The following CPAP variants were observed in gnomAD, a reference collection of about 807,000 sequenced individuals.
CPAP encodes centrosomal P4.1-associated protein.
chr13:24,923,361 C>A, the CPAP span, among the ~76,000 whole-genome samples: 1 of 151,562 alleles, frequency 6.6e-6, no homozygotes, highest in Non-Finnish European at 1.5e-5. Flanking sequence ...AAAGGGCAGT[C>A]CGCTACACCA....
the CPAP span, among the ~76,000 whole-genome samples, chr13:24,898,434 A>G: frequency 1.6e-4 from 25 of 152,298 alleles, no homozygotes; most frequent in East Asian, 4.2e-3. Flanking sequence ...TTATTTTCAA[A>G]AAACAACTGA....
the CPAP span, chr13:24,913,104 A>G: frequency 1.6e-6 from 2 of 1,270,570 alleles, no homozygotes; most frequent in Non-Finnish European, 1.1e-6. Flanking sequence ...GTAGACAAAA[A>G]TAGCCAACAA....
the CPAP span, among the ~76,000 whole-genome samples, chr13:24,921,873 A>G: frequency 6.6e-6 from 1 of 152,080 alleles, no homozygotes; most frequent in East Asian, 1.9e-4. Flanking sequence ...CATGACCGCG[A>G]TTCTAAAAAT....
chr13:24,921,526 T>C, the CPAP span, among the ~76,000 whole-genome samples: 1 of 152,206 alleles, frequency 6.6e-6, no homozygotes. Flanking sequence ...CACTTAAGAT[T>C]AGCGCACTTT....
the CPAP span, among the ~76,000 whole-genome samples, chr13:24,893,662 C>T: frequency 2.0e-5 from 3 of 152,352 alleles, no homozygotes; most frequent in South Asian, 6.2e-4. Context: ...AGATCCACAA[C>T]CTCCATGAAT....
the CPAP span, chr13:24,924,627 C>A: frequency 6.6e-6 from 1 of 152,222 alleles, no homozygotes; most frequent in East Asian, 1.9e-4. Flanking sequence ...TGGTTCCTAT[C>A]CTTGTTGCAT....
chr13:24,905,408 G>A, the CPAP span: 4 of 1,614,002 alleles, frequency 2.5e-6, no homozygotes, highest in Non-Finnish European at 1.7e-6. Context: ...ATCTGACTTT[G>A]GTTTTGGTTT....
the CPAP span, chr13:24,885,687 G>T: frequency 6.3e-7 from 1 of 1,589,860 alleles, no homozygotes; most frequent in Non-Finnish European, 8.6e-7. Context: ...GAATAAAATT[G>T]TCAAGAGTTA....
the CPAP span, chr13:24,885,579 G>T: frequency 7.0e-7 from 1 of 1,421,398 alleles, no homozygotes; most frequent in Non-Finnish European, 1.0e-6. Flanking sequence ...ATGTATGTTT[G>T]AAGAATATAT....
the CPAP span, among the ~76,000 whole-genome samples, chr13:24,887,313 G>A: frequency 6.6e-6 from 1 of 152,168 alleles, no homozygotes; most frequent in Non-Finnish European, 1.5e-5. Context: ...ACGGTATACT[G>A]GTCTGTGGCC....
At chr13:24,918,211 A>ATTTT in the CPAP span, among the ~76,000 whole-genome samples, 1 of 152,226 alleles carries the variant, frequency 6.6e-6, no homozygotes, top group South Asian at 2.1e-4. Context: ...GTGAAGGAAA[A>ATTTT]AAGACTGGAA....
the CPAP span, among the ~76,000 whole-genome samples, chr13:24,887,493 C>T: frequency 6.6e-6 from 1 of 152,208 alleles, no homozygotes; most frequent in Non-Finnish European, 1.5e-5. Context: ...CTATTGTGAA[C>T]TGCATATGCG....
At chr13:24,904,046 C>T in the CPAP span, 15 of 1,613,756 alleles carry the variant, frequency 9.3e-6, no homozygotes, top group Admixed American at 3.3e-5. Context: ...AACCTGGGAT[C>T]GAGCATTGTC....
At chr13:24,905,987 T>C in the CPAP span, 5 of 1,614,202 alleles carry the variant, frequency 3.1e-6, no homozygotes, top group South Asian at 5.5e-5. Flanking sequence ...AGTCTGATTT[T>C]CAGAAGTGCT....
the CPAP span, chr13:24,883,897 C>T: frequency 1.2e-6 from 2 of 1,604,586 alleles, no homozygotes; most frequent in Non-Finnish European, 1.7e-6. Flanking sequence ...GGCTGGGGCA[C>T]CTTCTGAGCA....
chr13:24,907,955 C>A, the CPAP span: 1 of 1,176,618 alleles, frequency 8.5e-7, no homozygotes, highest in South Asian at 1.2e-5. Context: ...AGAAAGTGTT[C>A]AATAATAAAG....
the CPAP span, among the ~76,000 whole-genome samples, chr13:24,919,526 C>T: frequency 1.3e-5 from 2 of 151,332 alleles, no homozygotes; most frequent in Non-Finnish European, 2.9e-5. Context: ...CCCCAGTGAT[C>T]CTCCCACCTC....
At chr13:24,910,144 C>T in the CPAP span, 1 of 1,512,802 alleles carries the variant, frequency 6.6e-7, no homozygotes, top group Non-Finnish European at 9.1e-7. Context: ...TCTCTTTTAT[C>T]CCCAGTAGTG....
the CPAP span, chr13:24,906,086 C>T: frequency 6.2e-7 from 1 of 1,612,772 alleles, no homozygotes; most frequent in African/African-American, 1.3e-5. Flanking sequence ...TGCGACTTCA[C>T]ACTCACTCTC....
Sources: allele counts gnomAD v4.1 joint callset (sites outside exome capture counted in the v4.1 genomes callset), GRCh38; gene constraint gnomAD v4.1.1; transcripts MANE v1.5; gene names NCBI Gene and HGNC (gene_info 2026-07-23, HGNC 2026-07-21).